PRRC2C: variants seen among roughly 807,000 people sequenced by gnomAD.
The protein encoded by PRRC2C is protein PRRC2C.
Under a neutral mutation model 317.2 loss-of-function variants are expected in PRRC2C, and 72 were observed. The observed-to-expected ratio is 0.23, with a 90% CI of 0.19 to 0.28. PRRC2C has a LOEUF of 0.28. Among genes scored for constraint, PRRC2C ranks in the 10% least tolerant of loss-of-function variants. The pLI is 1.00. For missense variants in PRRC2C, 3,074 were observed against 3,459.7 expected, an observed-to-expected ratio of 0.89 and a Z score of 2.80; for synonymous variants, 1,296 against 1,205.9, an observed-to-expected ratio of 1.07 and a Z score of -1.55.
chr1:171,505,834 A>G (rs897562319), intron 1 of PRRC2C, among the ~76,000 whole-genome samples: 1 of 152,242 alleles, frequency 6.6e-6, no homozygotes, highest in Admixed American at 6.5e-5. Context: ...AGTGGGCCGC[A>G]TATATGACAG....
At chr1:171,545,930 A>T (rs1290831871) in intron 17 of PRRC2C, among the ~76,000 whole-genome samples, 1 of 152,160 alleles carries the variant, frequency 6.6e-6, no homozygotes, top group Non-Finnish European at 1.5e-5. Flanking sequence ...AAATAATCCA[A>T]CAGCATTGCA....
At chr1:171,558,510 A>G (rs140926260) in intron 19 of PRRC2C, among the ~76,000 whole-genome samples, 5 of 152,150 alleles carry the variant, frequency 3.3e-5, no homozygotes, top group African/African-American at 1.2e-4. Context: ...TGGTCATTTC[A>G]TGTTCTGTGT....
At chr1:171,527,321 C>A (rs1366921679) in intron 10 of PRRC2C, among the ~76,000 whole-genome samples, 1 of 147,282 alleles carries the variant, frequency 6.8e-6, no homozygotes, top group Non-Finnish European at 1.5e-5. Context: ...TTAGTAGAGA[C>A]AGGGTTTTGC....
At chr1:171,581,178 G>A (rs753718917) in intron 28 of PRRC2C, among the ~76,000 whole-genome samples, 9 of 152,102 alleles carry the variant, frequency 5.9e-5, no homozygotes, top group Middle Eastern at 3.4e-3. Context: ...ATTTTCTCCC[G>A]TTAGAAGCCC....
At chr1:171,552,005 A>T (rs376120947) in intron 18 of PRRC2C, among the ~76,000 whole-genome samples, 3 of 152,186 alleles carry the variant, frequency 2.0e-5, no homozygotes, top group East Asian at 3.8e-4. Context: ...GAAGAAAGTC[A>T]TTGGTAGCTT....
intron 18 of PRRC2C, among the ~76,000 whole-genome samples, chr1:171,553,920 A>C (rs1043198193): frequency 3.3e-5 from 5 of 152,100 alleles, no homozygotes; most frequent in African/African-American, 1.2e-4. Context: ...GTGTGATGTG[A>C]TAGTGAGAAG....
rs774617437 is a variant in PRRC2C at position 171,541,020 on chromosome 1, A to C, written c.3554A>C (p.Gln1185Pro). 3.7e-6 allele frequency: 6 copies of C among 1,613,350 alleles called. No individual in the cohort carries two copies. In the African/African-American group the frequency reaches 8.0e-5, roughly 22 times the overall value. ...EARERDWFPDQGYRGRGRGEY... is the reference protein window; with the variant it reads ...EARERDWFPDPGYRGRGRGEY... ...AGAGAGAGAGATTGGTTTCCAGATC[A>C]AGGATACAGAGGTCGAGGCCGAGGT... Residue 1185 changes from glutamine to proline, a missense_variant, in exon 16 of 35, where the codon CAA becomes CCA. Coordinates refer to ENST00000647382, the MANE Select transcript of PRRC2C (RefSeq NM_001387844.1). The surrounding 1 kb of genome is among the most constrained non-coding windows in gnomAD (Gnocchi z 4.1).
At chr1:171,509,823 CAT>C (rs942207601) in intron 1 of PRRC2C, 19 of 145,980 alleles carry the variant, frequency 1.3e-4, no homozygotes, top group African/African-American at 4.3e-4. Context: ...TCTAGAATCA[CAT>C]GTCTCAGAAA....
Position 171,541,228 on chromosome 1 carries a change from AGTT to A in PRRC2C, c.3765_3767del (p.Val1256del), listed in dbSNP as rs1174359232. 7 of 1,613,442 alleles carry A rather than the reference AGTT, an allele frequency of 4.3e-6. No individual in the cohort carries two copies. The highest frequency in any genetic ancestry group is 5.9e-6 in the Non-Finnish European group (7 of 1,179,784). On this transcript the variant is annotated inframe_deletion, in exon 16 of 35. Transcript: ENST00000647382. This position sits in a 1 kb window ranked among gnomAD's most constrained non-coding sequence, Gnocchi z 4.1. ...CACGGAGTGAGAGCTCTGATTTTGA[AGTT>A]GTCCCCAAAAGAAGACGACAGCGGG...
At chr1:171,563,224 A>G (rs547560772) in intron 20 of PRRC2C, among the ~76,000 whole-genome samples, 7 of 152,254 alleles carry the variant, frequency 4.6e-5, no homozygotes, top group African/African-American at 1.7e-4. Flanking sequence ...AGAAACCAAA[A>G]CCCAGGGATG....
chr1:171,560,070 A>G (rs1382488035), intron 19 of PRRC2C, among the ~76,000 whole-genome samples: 1 of 152,206 alleles, frequency 6.6e-6, no homozygotes, highest in Admixed American at 6.5e-5. Flanking sequence ...TAAGGCTGCA[A>G]CCTCCATACA....
chr1:171,539,796 T>G (rs1348511915), intron 15 of PRRC2C, among the ~76,000 whole-genome samples, 175 bp from the exon 16 acceptor site: 1 of 152,240 alleles, frequency 6.6e-6, no homozygotes, highest in African/African-American at 2.4e-5. Context: ...TTAGGCTGTT[T>G]CCACCTCTTG....
At chr1:171,518,472 A>AT (rs1259215578) in intron 6 of PRRC2C, among the ~76,000 whole-genome samples, 8 of 111,020 alleles carry the variant, frequency 7.2e-5, no homozygotes, top group African/African-American at 1.2e-4. Context: ...ATTTTTTTCA[A>AT]TTTTTTTTCA....
rs185023308 is a variant in PRRC2C at position 171,516,737 on chromosome 1, C to G, written c.527-854C>G. On this transcript the variant is annotated intron_variant, in intron 5 of 34. Transcript: ENST00000647382. ...CTGGCCAAGGGACTCTCTCTCAAAG[C>G]CGCGATGAAGCTGTCTGAAGCTGAC... is the stretch of plus-strand genomic sequence containing the variant. 1.3e-5 allele frequency among the ~76,000 whole-genome samples: 2 copies of G among 152,284 alleles called. 1 individual carries two copies. The highest frequency in any genetic ancestry group is 4.8e-5 in the African/African-American group (2 of 41,568).
intron 1 of PRRC2C, among the ~76,000 whole-genome samples, chr1:171,508,699 G>C (rs1670717535): frequency 6.6e-6 from 1 of 152,042 alleles, no homozygotes; most frequent in Non-Finnish European, 1.5e-5. Context: ...ATTTTATTTT[G>C]ATTTTTGTTT....
At chr1:171,565,209 G>T (rs1683420292) in intron 20 of PRRC2C, among the ~76,000 whole-genome samples, 1 of 151,998 alleles carries the variant, frequency 6.6e-6, no homozygotes, top group African/African-American at 2.4e-5. Context: ...CTAGGTATGT[G>T]GTCTCCCTAA....
Position 171,561,220 on chromosome 1 carries a change from G to A in PRRC2C, c.6117+117G>A, listed in dbSNP as rs908985621. ...CGTGGTGGGAGGGTTACTTGAGTCC[G>A]GGAGTTTGAGACCAGCCTGGGCAAC... is the stretch of plus-strand genomic sequence containing the variant. On this transcript the variant is annotated intron_variant, in intron 20 of 34. Coordinates refer to ENST00000647382, the MANE Select transcript of PRRC2C (RefSeq NM_001387844.1). 97 of 998,146 alleles carry A rather than the reference G, an allele frequency of 9.7e-5. No homozygotes were observed. In the African/African-American group the frequency reaches 1.2e-3, roughly 12 times the overall value. The allele number at this position is 998,146 out of a possible 1,614,324, so 61.8% of individuals were successfully genotyped here. A position where few individuals can be genotyped will look rare whatever the true frequency, so the allele number is the denominator to read the frequency against.
chr1:171,554,665 A>G (rs1382812532), intron 18 of PRRC2C, among the ~76,000 whole-genome samples: 2 of 152,212 alleles, frequency 1.3e-5, no homozygotes, highest in African/African-American at 4.8e-5. Flanking sequence ...TGGTGTTGAC[A>G]AAATCTCTCA....
chr1:171,568,401 C>CA (rs1684079277), intron 23 of PRRC2C, 62 bp downstream of exon 23: 1 of 1,537,822 alleles, frequency 6.5e-7, no homozygotes, highest in Admixed American at 2.0e-5. Context: ...TTATCAAGCA[C>CA]ATTATTTCAT....
Sources: allele counts gnomAD v4.1 joint callset (sites outside exome capture counted in the v4.1 genomes callset), GRCh38; gene constraint gnomAD v4.1.1; non-coding constraint Gnocchi (gnomAD v3.1); transcripts MANE v1.5; gene names NCBI Gene and HGNC (gene_info 2026-07-23, HGNC 2026-07-21).